The following MYLK3 variants were observed in gnomAD, a reference collection of about 807,000 sequenced individuals.
The protein encoded by MYLK3 is MLC kinase.
A neutral mutation model predicts 76.3 loss-of-function variants in MYLK3; 55 were observed. The observed-to-expected ratio is 0.72, with a 90% CI of 0.58 to 0.90. The LOEUF (loss-of-function observed/expected upper bound fraction) is 0.90, where lower values mean the gene tolerates loss of function less well. MYLK3 is among the 40% of genes least tolerant of loss of function. The pLI is 0.00. For synonymous variants in MYLK3, 416 were observed against 425.4 expected, an observed-to-expected ratio of 0.98 and a Z score of 0.27; for missense variants, 973 against 1,053.6, an observed-to-expected ratio of 0.92 and a Z score of 1.06.
chr16:46,736,454 G>A (rs895525622), intron 3 of MYLK3, among the ~76,000 whole-genome samples: 2 of 152,208 alleles, frequency 1.3e-5, no homozygotes, highest in African/African-American at 2.4e-5. Flanking sequence ...GGTCTGCTGG[G>A]CCTGAATTCA....
rs950309606 is a variant in MYLK3, at chr16:46,704,633, A to C, written c.*3071T>G. The C allele has an allele frequency of 6.6e-6, 1 of 151,742 alleles. No homozygotes were observed. The highest frequency in any genetic ancestry group is 2.4e-5 in the African/African-American group (1 of 41,276). 9.4% of individuals were successfully genotyped at this position (151,742 alleles called of 1,614,324 possible). On this transcript the variant is annotated 3_prime_UTR_variant, in exon 13 of 13. Transcript: ENST00000394809. The stretch of plus-strand genomic sequence containing the variant: ...CATATTGAAATATTTTTGATACACT[A>C]AGTTATATAAATTATTAAAATTGGC...
intron 9 of MYLK3, among the ~76,000 whole-genome samples, chr16:46,718,979 A>G (rs1322255093): frequency 6.6e-6 from 1 of 151,922 alleles, no homozygotes; most frequent in Non-Finnish European, 1.5e-5. Flanking sequence ...ATTAGGAGAG[A>G]GAAGGAGCTT....
At position 46,736,153 on chromosome 16, in the gene MYLK3, A is replaced by G. The variant is rs1429355671; in HGVS notation, c.1001+1558T>C. ...CTCCCCAGTAGCATGCATGGATTAC[A>G]GGTGCACGCCACCATGCCCACGGTA... On this transcript the variant is annotated intron_variant, in intron 3 of 12. Coordinates refer to ENST00000394809, the MANE Select transcript of MYLK3 (RefSeq NM_182493.3). Among the ~76,000 whole-genome samples, 5 of 152,134 alleles carry G rather than the reference A, an allele frequency of 3.3e-5. No homozygotes were observed. In the East Asian group the frequency reaches 9.7e-4, roughly 29 times the overall value.
At chr16:46,759,538 T>C (rs1967248318) in intron 1 of MYLK3, among the ~76,000 whole-genome samples, 1 of 152,194 alleles carries the variant, frequency 6.6e-6, no homozygotes, top group Non-Finnish European at 1.5e-5. Context: ...GACGAAGGCA[T>C]GTTCCAAAGT....
chr16:46,720,238 G>A (rs1394926972), intron 9 of MYLK3, among the ~76,000 whole-genome samples: 2 of 152,204 alleles, frequency 1.3e-5, no homozygotes, highest in Admixed American at 6.5e-5. Context: ...TTTTTAGACA[G>A]GGTCTAGCTC....
At chr16:46,726,727 AAG>A (rs1226599868) in intron 8 of MYLK3, 6 of 148,684 alleles carry the variant, frequency 4.0e-5, no homozygotes, top group Non-Finnish European at 8.9e-5. Context: ...GAAAGAAAGA[AAG>A]AAAGAAAAGA....
chr16:46,758,169 AG>A (rs1034569226), intron 1 of MYLK3, among the ~76,000 whole-genome samples: 6 of 151,874 alleles, frequency 4.0e-5, no homozygotes, highest in African/African-American at 1.5e-4. Flanking sequence ...GGGACATGCC[AG>A]GGAGGGCTCC....
In MYLK3 at chr16:46,753,633, G is replaced by A. The variant is rs577846402; in HGVS notation, c.-114+9407C>T. 2.6e-5 allele frequency among the ~76,000 whole-genome samples: 4 copies of A among 152,334 alleles called. No homozygotes were observed. In the South Asian group the frequency reaches 8.3e-4, roughly 32 times the overall value. On this transcript the variant is annotated intron_variant, in intron 1 of 11. Coordinates refer to the MYLK3 transcript ENST00000536476. ...GTTTCAAAAAGGCTGTCATTTTGCG[G>A]GGTGAGGTGGCTCACGCCTGTAAAC...
At chr16:46,742,357 G>A (rs1012543782) in intron 1 of MYLK3, among the ~76,000 whole-genome samples, 6 of 151,632 alleles carry the variant, frequency 4.0e-5, no homozygotes, top group African/African-American at 1.5e-4. Context: ...AGGAGTTCAA[G>A]ACCAGCCTGG....
upstream of MYLK3, among the ~76,000 whole-genome samples, chr16:46,750,981 G>A (rs923771242): frequency 6.6e-6 from 1 of 151,636 alleles, no homozygotes; most frequent in Non-Finnish European, 1.5e-5. Flanking sequence ...CAACAAGAGT[G>A]AAACTCTGTC....
intron 1 of MYLK3, 114 bp from the exon 2 acceptor site, chr16:46,740,261 A>C: frequency 1.3e-6 from 1 of 750,934 alleles, no homozygotes; most frequent in South Asian, 1.6e-5. Context: ...AGATTACTTC[A>C]CACAGTCTCA....
chr16:46,706,891 A>G lies in MYLK3; in HGVS notation c.*813T>C, dbSNP rs1966632272. The G allele has an allele frequency of 6.6e-6, 1 of 152,198 alleles. No homozygotes were observed. The highest frequency in any genetic ancestry group is 1.5e-5 in the Non-Finnish European group (1 of 68,034). 9.4% of individuals were successfully genotyped at this position (152,198 alleles called of 1,614,324 possible). A position where few individuals can be genotyped will look rare whatever the true frequency, so the allele number is the denominator to read the frequency against. On this transcript the variant is annotated 3_prime_UTR_variant, in exon 13 of 13. Coordinates refer to ENST00000394809, the MANE Select transcript of MYLK3 (RefSeq NM_182493.3). Reference sequence around the variant, plus strand: ...GTATGTGTAGAGTGACAACATTGAGAGTGCTACAGCCTGAGGCAGCAGAAG... The same window carrying G: ...GTATGTGTAGAGTGACAACATTGAGGGTGCTACAGCCTGAGGCAGCAGAAG...
In MYLK3 at chr16:46,732,635, A is replaced by AG; in HGVS notation, c.1034dup (p.Gly346TrpfsTer43). The AG allele has an allele frequency of 6.5e-7, 1 of 1,548,932 alleles. No homozygotes were observed. Among genetic ancestry groups the AG allele is most frequent in the Non-Finnish European group, 8.7e-7 (1 of 1,154,646 alleles). The stretch of plus-strand genomic sequence containing the variant: ...CCCTGCCTGTCATCAGCATCTCCCC[A>AG]GGAGTATCCATCTCTTGTATGTGGA... On this transcript the variant is annotated frameshift_variant, in exon 4 of 13. Coordinates refer to ENST00000394809, the MANE Select transcript of MYLK3 (RefSeq NM_182493.3). LOFTEE classifies it high-confidence loss of function.
chr16:46,763,145 T>C, exon 1 of MYLK3: 1 of 984,870 alleles, frequency 1.0e-6, no homozygotes. Flanking sequence ...ACAGACAAAC[T>C]TAAACCTGGA....
intron 1 of MYLK3, among the ~76,000 whole-genome samples, chr16:46,758,515 G>A (rs924934181): frequency 2.6e-5 from 4 of 152,148 alleles, no homozygotes; most frequent in Admixed American, 6.5e-5. Context: ...ATTTCACAGA[G>A]GAGGAGCAAC....
intron 7 of MYLK3, among the ~76,000 whole-genome samples, chr16:46,728,374 T>C (rs1036888311): frequency 6.6e-6 from 1 of 152,152 alleles, no homozygotes; most frequent in Non-Finnish European, 1.5e-5. Context: ...GCCAGATATC[T>C]AGGTTTTAAT....
intron 5 of MYLK3, among the ~76,000 whole-genome samples, chr16:46,730,188 C>T (rs1177640994): frequency 6.6e-6 from 1 of 150,394 alleles, no homozygotes; most frequent in Non-Finnish European, 1.5e-5. Flanking sequence ...AGGGAACATC[C>T]CCTCACCCCA....
intron 8 of MYLK3, chr16:46,726,713 GAAAGAAAGAAAGAA>G: frequency 7.6e-6 from 1 of 132,050 alleles, no homozygotes; most frequent in Non-Finnish European, 1.6e-5. Context: ...AAGAAAGAAA[GAAAGAAAGAAAGAA>G]AGAAAGAAAA....
chr16:46,760,020 C>T (rs1259318676), intron 1 of MYLK3, among the ~76,000 whole-genome samples: 2 of 152,228 alleles, frequency 1.3e-5, no homozygotes, highest in African/African-American at 4.8e-5. Context: ...CTTCCAGCTG[C>T]CAATTCAGAA....
Sources: allele counts gnomAD v4.1 joint callset (sites outside exome capture counted in the v4.1 genomes callset), GRCh38; gene constraint gnomAD v4.1.1; transcripts MANE v1.5; gene names NCBI Gene and HGNC (gene_info 2026-07-23, HGNC 2026-07-21).